CDIN1: variants seen among roughly 807,000 people sequenced by gnomAD.
The protein encoded by CDIN1 is CDAN1 interacting nuclease 1, also known as CDAN1-interacting nuclease 1.
Under a neutral mutation model 45.3 loss-of-function variants are expected in CDIN1, and 33 were observed. That is an observed-to-expected ratio of 0.73 (90% CI 0.55 to 0.97). CDIN1 has a LOEUF of 0.97. Ranked by LOEUF, CDIN1 falls within the 50% of genes least tolerant of loss-of-function variation. CDIN1 has a pLI of 0.00. For synonymous variants in CDIN1, 118 were observed against 124.4 expected, an observed-to-expected ratio of 0.95 and a Z score of 0.34; for missense variants, 303 against 339.4, an observed-to-expected ratio of 0.89 and a Z score of 0.84.
At chr15:36,595,508 T>C (rs1206365714) in intron 1 of CDIN1, among the ~76,000 whole-genome samples, 2 of 152,156 alleles carry the variant, frequency 1.3e-5, no homozygotes, top group African/African-American at 4.8e-5. Context: ...AACCTGCTCA[T>C]GTTATAGTAC....
intron 1 of CDIN1, among the ~76,000 whole-genome samples, chr15:36,588,920 G>C (rs528985672): frequency 5.9e-5 from 9 of 152,190 alleles, no homozygotes; most frequent in African/African-American, 2.2e-4. Flanking sequence ...GAATCCACAT[G>C]CTATAATTAT....
chr15:36,645,403 G>A (rs1595413063), intron 3 of CDIN1, 116 bp downstream of exon 3: 1 of 957,674 alleles, frequency 1.0e-6, no homozygotes, highest in Non-Finnish European at 1.5e-6. Flanking sequence ...TGTGTTTTAA[G>A]TATTTTATTC....
rs75527559 is a variant in CDIN1 at position 36,694,674 on chromosome 15, C to G, written c.476+2499C>G. 2.6e-5 allele frequency among the ~76,000 whole-genome samples: 4 copies of G among 152,152 alleles called. No homozygotes were observed. In the South Asian group the frequency reaches 8.3e-4, roughly 32 times the overall value. ...CTCACCAAGGAAAAAATGTGAGAAA[C>G]CAGCCACCTCAACTTTCCAAAGTGT... On this transcript the variant is annotated intron_variant, in intron 7 of 10. Coordinates refer to ENST00000566621, the MANE Select transcript of CDIN1 (RefSeq NM_001321759.2).
At chr15:36,623,480 C>T (rs2039290948) in intron 1 of CDIN1, among the ~76,000 whole-genome samples, 1 of 152,176 alleles carries the variant, frequency 6.6e-6, no homozygotes, top group African/African-American at 2.4e-5. Flanking sequence ...AGTTGAACTT[C>T]AGTAGTGAAT....
At chr15:36,727,878 T>C (rs1793018362) in intron 10 of CDIN1, among the ~76,000 whole-genome samples, 2 of 152,214 alleles carry the variant, frequency 1.3e-5, no homozygotes, top group South Asian at 4.1e-4. Flanking sequence ...CGGTAAAAAG[T>C]AGACCCTGGT....
At chr15:36,727,174 C>G (rs151239558) in intron 10 of CDIN1, among the ~76,000 whole-genome samples, 137 of 152,114 alleles carry the variant, frequency 9.0e-4, no homozygotes, top group African/African-American at 3.2e-3. Flanking sequence ...ACTAATCATG[C>G]TGTTTTTCTT....
chr15:36,741,699 T>C (rs778279384), intron 10 of CDIN1, among the ~76,000 whole-genome samples: 6 of 151,836 alleles, frequency 4.0e-5, no homozygotes, highest in Non-Finnish European at 8.8e-5. Context: ...GAAGGGCTTC[T>C]TCTTCCTGTG....
At position 36,697,247 on chromosome 15, in the gene CDIN1, A is replaced by G. The variant is rs2042463149; in HGVS notation, c.477-76A>G. 5 of 1,251,794 alleles carry G rather than the reference A, an allele frequency of 4.0e-6. No homozygotes were observed. In the Admixed American group the frequency reaches 7.4e-5, roughly 18 times the overall value. The allele number at this position is 1,251,794 out of a possible 1,614,324, so 77.5% of individuals were successfully genotyped here. The stretch of plus-strand genomic sequence containing the variant: ...GACTAAGGGTGAAAATGGCTGCTCA[A>G]AGTATAGACCTGGTATTAGCGTTTT... On this transcript the variant is annotated intron_variant, in intron 7 of 10. Transcript: ENST00000566621.
intron 10 of CDIN1, among the ~76,000 whole-genome samples, chr15:36,782,205 AAACT>A (rs2054370482): frequency 6.6e-6 from 1 of 152,206 alleles, no homozygotes; most frequent in Non-Finnish European, 1.5e-5. Context: ...CATAATTTAT[AAACT>A]AAATTATTGT....
Position 36,715,962 on chromosome 15 carries a change from T to C in CDIN1, c.716+6001T>C, listed in dbSNP as rs377514853. On this transcript the variant is annotated intron_variant, in intron 10 of 10. Coordinates refer to ENST00000566621, the MANE Select transcript of CDIN1 (RefSeq NM_001321759.2). ...AAGACTTTTCTAAGTGAGGAATTCATATTTTCTGCCATCATTCATTGGTTT... is the reference window on the plus strand; with the variant it reads ...AAGACTTTTCTAAGTGAGGAATTCACATTTTCTGCCATCATTCATTGGTTT... Among the ~76,000 whole-genome samples the C allele has an allele frequency of 8.1e-4, 123 of 152,300 alleles. 1 individual carries two copies. The South Asian group carries it at 0.018, about 22-fold the overall frequency.
intron 10 of CDIN1, among the ~76,000 whole-genome samples, chr15:36,796,015 A>T (rs1180388255): frequency 6.6e-6 from 1 of 152,024 alleles, no homozygotes; most frequent in Non-Finnish European, 1.5e-5. Flanking sequence ...TGCGTTACAA[A>T]TTTTCATCCT....
At position 36,620,273 on chromosome 15, in the gene CDIN1, A is replaced by C. The variant is rs556438365; in HGVS notation, c.102-24005A>C. ...GGCTGAGGCAGGAGAATGGCGTGAC[A>C]CCGGGGGGCGGAGCTTGCAGTGAGC... On this transcript the variant is annotated intron_variant, in intron 1 of 10. Transcript: ENST00000566621. Among the ~76,000 whole-genome samples the C allele has an allele frequency of 2.2e-3, 335 of 152,078 alleles. 3 individuals are homozygous for C. The highest frequency in any genetic ancestry group is 7.6e-3 in the African/African-American group (316 of 41,482).
intron 10 of CDIN1, among the ~76,000 whole-genome samples, chr15:36,773,520 A>G (rs2054132881): frequency 6.6e-6 from 1 of 152,244 alleles, no homozygotes; most frequent in African/African-American, 2.4e-5. Flanking sequence ...GATCTGGGGT[A>G]CAGGCTCTTT....
At chr15:36,632,600 G>T (rs1225477364) in intron 1 of CDIN1, among the ~76,000 whole-genome samples, 1 of 152,162 alleles carries the variant, frequency 6.6e-6, no homozygotes, top group East Asian at 1.9e-4. Flanking sequence ...GCGTTTCTCT[G>T]CATCTCACAC....
rs1365661810 is a variant in CDIN1 at position 36,809,779 on chromosome 15, T to C, written c.*1326T>C. The C allele has an allele frequency of 6.6e-6, 1 of 152,196 alleles. No individual in the cohort carries two copies. The highest frequency in any genetic ancestry group is 1.9e-4 in the East Asian group (1 of 5,196). 9.4% of individuals were successfully genotyped at this position (152,196 alleles called of 1,614,324 possible). A position where few individuals can be genotyped will look rare whatever the true frequency, so the allele number is the denominator to read the frequency against. On this transcript the variant is annotated 3_prime_UTR_variant, in exon 11 of 11. Transcript: ENST00000566621. ...TTGATTTTTTTCAAAAGACTAAATA[T>C]GTCATTTATACTTTGTTTATTTTCT...
chr15:36,691,996 T>A, intron 6 of CDIN1, 130 bp from the exon 7 acceptor site: 1 of 974,332 alleles, frequency 1.0e-6, no homozygotes, highest in Non-Finnish European at 1.5e-6. Flanking sequence ...CCGAACCGCC[T>A]TTTGATAGCT....
intron 10 of CDIN1, among the ~76,000 whole-genome samples, chr15:36,788,096 ATATATATATATTTTTTTTTT>A (rs1339135976): frequency 4.9e-3 from 167 of 34,414 alleles, no homozygotes; most frequent in African/African-American, 0.016. Flanking sequence ...ATATATATAT[ATATATATATATTTTTTTTTT>A]TTTTTTTTTT....
chr15:36,800,907 G>GTATATATATATATATATA (rs1282877205), intron 10 of CDIN1, among the ~76,000 whole-genome samples: 21 of 31,602 alleles, frequency 6.6e-4, no homozygotes, highest in South Asian at 2.6e-3. Flanking sequence ...GTGTGTGTGT[G>GTATATATATATATATATA]TGTATATATA....
intron 1 of CDIN1, chr15:36,613,376 G>A: frequency 1.1e-6 from 1 of 874,112 alleles, no homozygotes; most frequent in Non-Finnish European, 1.8e-6. Context: ...ATAAAAAAAG[G>A]ATTCCTTGTC....
Sources: gnomAD v4.1 joint callset for allele counts (sites outside exome capture counted in the v4.1 genomes callset) on GRCh38, gnomAD v4.1.1 for gene constraint, MANE v1.5 for transcripts, NCBI Gene and HGNC (gene_info 2026-07-23, HGNC 2026-07-21) for gene names.